GPNMB: variants seen among roughly 807,000 people sequenced by gnomAD.
GPNMB encodes transmembrane glycoprotein NMB.
Under a neutral mutation model 57.3 loss-of-function variants are expected in GPNMB, and 71 were observed. That is an observed-to-expected ratio of 1.24 (90% CI 1.02 to 1.51). The LOEUF is 1.51. Among genes scored for constraint, GPNMB ranks in the 40% most tolerant of loss-of-function variants. GPNMB has a pLI of 0.00. For missense variants in GPNMB, 677 were observed against 691.9 expected, an observed-to-expected ratio of 0.98 and a Z score of 0.24; for synonymous variants, 253 against 263.2, an observed-to-expected ratio of 0.96 and a Z score of 0.38.
chr7:23,248,542 G>A (rs753629069), intron 1 of GPNMB, among the ~76,000 whole-genome samples: 1 of 152,130 alleles, frequency 6.6e-6, no homozygotes, highest in Non-Finnish European at 1.5e-5. Flanking sequence ...AAGCACTAAA[G>A]ATTTCCTACC....
chr7:23,272,063 G>A (rs189638842), intron 9 of GPNMB, among the ~76,000 whole-genome samples: 190 of 152,252 alleles, frequency 1.2e-3, no homozygotes, highest in African/African-American at 4.5e-3. Flanking sequence ...AACTGGAGAA[G>A]GGAGCCAAAA....
At chr7:23,259,694 C>T (rs1319651626) in intron 4 of GPNMB, among the ~76,000 whole-genome samples, 1 of 152,154 alleles carries the variant, frequency 6.6e-6, no homozygotes, top group African/African-American at 2.4e-5. Flanking sequence ...TTACTTAGCA[C>T]AAACAGCATT....
intron 6 of GPNMB, among the ~76,000 whole-genome samples, chr7:23,261,332 G>A (rs1223207841): frequency 1.3e-5 from 2 of 152,152 alleles, no homozygotes; most frequent in East Asian, 1.9e-4. Flanking sequence ...GTGCTGCATC[G>A]TATGTTTATT....
intron 6 of GPNMB, among the ~76,000 whole-genome samples, chr7:23,265,672 C>T (rs1783040205): frequency 6.6e-6 from 1 of 152,018 alleles, no homozygotes; most frequent in Non-Finnish European, 1.5e-5. Context: ...TTATTAAGTA[C>T]TCCCTCTGCA....
At chr7:23,265,080 C>T (rs1267562959) in intron 6 of GPNMB, among the ~76,000 whole-genome samples, 6 of 152,186 alleles carry the variant, frequency 3.9e-5, no homozygotes, top group African/African-American at 1.4e-4. Context: ...CCACTGCATT[C>T]GATCTAACAC....
intron 4 of GPNMB, chr7:23,258,009 T>G (rs564873825): frequency 3.9e-5 from 6 of 152,240 alleles, no homozygotes; most frequent in African/African-American, 1.4e-4. Flanking sequence ...CGATATTTCA[T>G]TGTGTACAAA....
intron 4 of GPNMB, among the ~76,000 whole-genome samples, chr7:23,258,535 G>C (rs902289877): frequency 2.0e-5 from 3 of 152,108 alleles, no homozygotes; most frequent in Non-Finnish European, 4.4e-5. Context: ...CGACTCTTTA[G>C]CCTAGTAAAC....
At position 23,273,519 on chromosome 7, in the gene GPNMB, A is replaced by C. The variant is rs1199469943; in HGVS notation, c.1430-2A>C. 6.2e-7 allele frequency: 1 copy of C among 1,607,520 alleles called. No homozygotes were observed. Among genetic ancestry groups the C allele is most frequent in the South Asian group, 1.1e-5 (1 of 90,900 alleles). On this transcript the variant is annotated splice_acceptor_variant, in intron 9 of 10. Coordinates refer to ENST00000258733, the MANE Select transcript of GPNMB (RefSeq NM_002510.3). LOFTEE classifies it high-confidence loss of function. ...CTAACATGCTCTTGCTTCTGTTTTA[A>C]GACCCAGCCTCGCCTTTAAGGATGG... is the stretch of plus-strand genomic sequence containing the variant.
Position 23,258,836 on chromosome 7 carries a change from A to G in GPNMB, c.542-1144A>G, listed in dbSNP as rs1185924365. Among the ~76,000 whole-genome samples, 2 of 152,254 alleles carry G rather than the reference A, an allele frequency of 1.3e-5. 1 individual carries two copies. Among genetic ancestry groups the G allele is most frequent in the African/African-American group, 4.8e-5 (2 of 41,470 alleles). On this transcript the variant is annotated intron_variant, in intron 4 of 10. Transcript: ENST00000258733. ...CAAACCACACATCCCTGGAGAGACC[A>G]GTGTGTTTTTCTCACACGTTTGACG...
intron 9 of GPNMB, among the ~76,000 whole-genome samples, chr7:23,270,406 T>A (rs935162038): frequency 2.6e-5 from 4 of 152,026 alleles, no homozygotes; most frequent in African/African-American, 7.2e-5. Context: ...AGCCTTTTGA[T>A]GAAAAAAAAT....
intron 6 of GPNMB, among the ~76,000 whole-genome samples, chr7:23,262,379 G>A (rs922069345): frequency 6.6e-6 from 1 of 151,858 alleles, no homozygotes; most frequent in Non-Finnish European, 1.5e-5. Flanking sequence ...ATTTTTCTAT[G>A]CATTTATAAA....
intron 6 of GPNMB, 45 bp downstream of exon 6, chr7:23,260,818 A>G (rs776269428): frequency 7.3e-7 from 1 of 1,376,518 alleles, no homozygotes; most frequent in South Asian, 1.5e-5. Context: ...TTAATGGCTA[A>G]CAAAATATTC....
At chr7:23,252,625 G>A (rs993139659) in intron 1 of GPNMB, among the ~76,000 whole-genome samples, 11 of 152,134 alleles carry the variant, frequency 7.2e-5, no homozygotes, top group Non-Finnish European at 1.5e-4. Flanking sequence ...GCAAAAACTG[G>A]AAGAAGAAAC....
At chr7:23,261,562 A>G (rs1019597906) in intron 6 of GPNMB, among the ~76,000 whole-genome samples, 2 of 152,132 alleles carry the variant, frequency 1.3e-5, no homozygotes, top group African/African-American at 4.8e-5. Flanking sequence ...GTTCTCATTC[A>G]CAGGTGGGAA....
Position 23,274,230 on chromosome 7 carries a change from G to T in GPNMB, c.*6G>T. On this transcript the variant is annotated 3_prime_UTR_variant, in exon 11 of 11. Coordinates refer to ENST00000258733, the MANE Select transcript of GPNMB (RefSeq NM_002510.3). ...AATTTAAAGGAGTTTCTTAAATTTC[G>T]ACCTTGTTTCTGAAGCTCACTTTTC... The T allele has an allele frequency of 6.2e-7, 1 of 1,610,308 alleles. No individual in the cohort carries two copies. The highest frequency in any genetic ancestry group is 2.2e-5 in the East Asian group (1 of 44,854).
At chr7:23,249,635 A>G (rs930899431) in intron 1 of GPNMB, among the ~76,000 whole-genome samples, 1 of 152,216 alleles carries the variant, frequency 6.6e-6, no homozygotes, top group Non-Finnish European at 1.5e-5. Flanking sequence ...AACTGCATCA[A>G]TAGTTTGTTC....
Position 23,266,534 on chromosome 7 carries a change from C to G in GPNMB, c.1036C>G (p.Pro346Ala), listed in dbSNP as rs746942058. 3.1e-6 allele frequency: 5 copies of G among 1,612,936 alleles called. No homozygotes were observed. Among genetic ancestry groups the G allele is most frequent in the Non-Finnish European group, 4.2e-6 (5 of 1,179,000 alleles). ...TPSLGPAGDN[P>A]LELSRIPDEN... Reference sequence around the variant, plus strand: ...CACCCCAGGACCTGCTGGTGACAACCCCCTGGAGCTGAGTAGGATTCCTGA... The same window carrying G: ...CACCCCAGGACCTGCTGGTGACAACGCCCTGGAGCTGAGTAGGATTCCTGA... The change falls in exon 7 of 11, where the codon CCC becomes GCC. Residue 346 changes from proline (P) to alanine (A), a missense_variant. Pro to Ala is a conservative substitution (Grantham distance 27). Coordinates refer to ENST00000258733, the MANE Select transcript of GPNMB (RefSeq NM_002510.3).
At chr7:23,247,608 G>C (rs1178161541) in intron 1 of GPNMB, 1 of 152,798 alleles carries the variant, frequency 6.5e-6, no homozygotes, top group Admixed American at 6.5e-5. Context: ...AGATTCGCGA[G>C]AGGAAGAGAG....
In GPNMB at chr7:23,260,511, C is replaced by A. The variant is rs748166911; in HGVS notation, c.756C>A (p.Asp252Glu). 1.3e-5 allele frequency: 21 copies of A among 1,613,740 alleles called. No individual in the cohort carries two copies. Among genetic ancestry groups the A allele is most frequent in the Non-Finnish European group, 1.8e-5 (21 of 1,179,744 alleles). ...MFQKNDRNSS[D>E]ETFLKDLPIM... is the part of the protein sequence containing the mutation. Reference sequence around the variant, plus strand: ...AGAAGAACGATCGAAATTCATCCGACGAAACCTTCCTCAAAGATCTCCCCA... The same window carrying A: ...AGAAGAACGATCGAAATTCATCCGAAGAAACCTTCCTCAAAGATCTCCCCA... Residue 252 changes from aspartate to glutamate, a missense_variant, in exon 6 of 11, where the codon GAC (aspartate) becomes GAA (glutamate). Transcript: ENST00000258733.
Sources: gnomAD v4.1 joint callset for allele counts (sites outside exome capture counted in the v4.1 genomes callset) on GRCh38, gnomAD v4.1.1 for gene constraint, MANE v1.5 for transcripts, NCBI Gene and HGNC (gene_info 2026-07-23, HGNC 2026-07-21) for gene names.